FRMD3: variants seen among roughly 807,000 people sequenced by gnomAD.
The protein encoded by FRMD3 is FERM domain-containing protein 3.
A neutral mutation model predicts 70.2 loss-of-function variants in FRMD3; 33 were observed. The observed-to-expected ratio is 0.47, with a 90% confidence interval of 0.36 to 0.63. FRMD3 has a LOEUF of 0.63. Among genes scored for constraint, FRMD3 ranks in the 20% least tolerant of loss-of-function variants. The pLI is 0.00. For missense variants in FRMD3, 632 were observed against 711.4 expected (o/e 0.89, Z 1.27); for synonymous variants, 279 against 255.9 (o/e 1.09, Z -0.86).
intron 1 of FRMD3, among the ~76,000 whole-genome samples, chr9:83,493,509 A>G (rs1031032156): frequency 3.3e-5 from 5 of 152,226 alleles, no homozygotes; most frequent in African/African-American, 1.2e-4. Context: ...GAAACCTTAC[A>G]GTTGATACCT....
At chr9:83,279,820 G>A (rs1833913611) in intron 13 of FRMD3, among the ~76,000 whole-genome samples, 1 of 151,800 alleles carries the variant, frequency 6.6e-6, no homozygotes, top group Non-Finnish European at 1.5e-5. Context: ...GGGAGGGAGA[G>A]CGTCAGGATA....
At chr9:83,570,114 T>C in the FRMD3 span, among the ~76,000 whole-genome samples, 1 of 152,202 alleles carries the variant, frequency 6.6e-6, no homozygotes, top group Admixed American at 6.5e-5. Flanking sequence ...CTTCATTCAC[T>C]CATGCAACAT....
chr9:83,418,931 T>TAC (rs1261532597), intron 1 of FRMD3, among the ~76,000 whole-genome samples: 2 of 152,202 alleles, frequency 1.3e-5, no homozygotes, highest in African/African-American at 4.8e-5. Context: ...TTCTTATATA[T>TAC]ACACCATGGA....
intron 3 of FRMD3, among the ~76,000 whole-genome samples, chr9:83,371,078 G>T (rs750830701): frequency 2.6e-5 from 4 of 152,066 alleles, no homozygotes; most frequent in Non-Finnish European, 4.4e-5. Flanking sequence ...TCAAAACTGG[G>T]TATGGCTTAA....
the FRMD3 span, among the ~76,000 whole-genome samples, chr9:83,566,438 T>C: frequency 6.6e-6 from 1 of 152,116 alleles, no homozygotes; most frequent in East Asian, 1.9e-4. Flanking sequence ...AAATCTCATG[T>C]CCTCATATTT....
chr9:83,501,748 G>A lies in FRMD3; in HGVS notation c.147+36337C>T, dbSNP rs149939340. ...GGCAAGGCAACCACATCTCCTGTTT[G>A]TTCTTGAGAGGAATTTCTTATTGCT... On this transcript the variant is annotated intron_variant, in intron 1 of 13. Transcript: ENST00000304195. 1.6e-3 allele frequency among the ~76,000 whole-genome samples: 242 copies of A among 152,324 alleles called. 1 individual carries two copies. The highest frequency in any genetic ancestry group is 5.6e-3 in the African/African-American group (234 of 41,580).
At chr9:83,411,769 T>C (rs1482261708) in intron 1 of FRMD3, among the ~76,000 whole-genome samples, 2 of 152,238 alleles carry the variant, frequency 1.3e-5, no homozygotes, top group Non-Finnish European at 2.9e-5. Context: ...ATTTTTGAAG[T>C]ATGCAATTTT....
At chr9:83,372,857 C>G in intron 3 of FRMD3, 56 bp downstream of exon 3, 1 of 1,464,504 alleles carries the variant, frequency 6.8e-7, no homozygotes, top group Non-Finnish European at 9.6e-7. Flanking sequence ...TGTCAGGGAA[C>G]AGTATCTATC....
chr9:83,297,057 A>G (rs981876096), intron 12 of FRMD3, among the ~76,000 whole-genome samples: 1 of 152,256 alleles, frequency 6.6e-6, no homozygotes, highest in African/African-American at 2.4e-5. Context: ...TATTCAAACC[A>G]AAATTTACAA....
the FRMD3 span, among the ~76,000 whole-genome samples, chr9:83,549,990 T>C: frequency 9.8e-5 from 15 of 152,334 alleles, no homozygotes; most frequent in African/African-American, 3.4e-4. Context: ...TTTGTTGCAA[T>C]TGCTTTTGGC....
At chr9:83,272,368 G>A (rs2093782) in intron 13 of FRMD3, among the ~76,000 whole-genome samples, 13,798 of 151,284 alleles carry the variant, frequency 0.091, 701 homozygotes, top group African/African-American at 0.13. Flanking sequence ...TTGGCCTCCC[G>A]AGGTGCCGGG....
At chr9:83,270,996 G>A (rs1833529626) in intron 13 of FRMD3, among the ~76,000 whole-genome samples, 1 of 152,148 alleles carries the variant, frequency 6.6e-6, no homozygotes, top group Admixed American at 6.5e-5. Context: ...TGGTTGTGAG[G>A]AGTTAACCCG....
chr9:83,475,959 G>A (rs1828386350), intron 1 of FRMD3, among the ~76,000 whole-genome samples: 2 of 152,190 alleles, frequency 1.3e-5, no homozygotes. Flanking sequence ...CATTTGCTGA[G>A]TGTCTACAGT....
chr9:83,467,593 T>C, intron 1 of FRMD3: 1 of 1,381,764 alleles, frequency 7.2e-7, no homozygotes, highest in Non-Finnish European at 9.9e-7. Context: ...CTGAGTTGAT[T>C]ACATTTTAGC....
chr9:83,574,367 CA>C, the FRMD3 span, among the ~76,000 whole-genome samples: 2 of 152,192 alleles, frequency 1.3e-5, no homozygotes, highest in East Asian at 3.9e-4. Flanking sequence ...GGGCACTAGC[CA>C]AAAATACATA....
At chr9:83,507,545 C>T (rs1426630156) in intron 1 of FRMD3, among the ~76,000 whole-genome samples, 1 of 148,670 alleles carries the variant, frequency 6.7e-6, no homozygotes, top group Admixed American at 6.7e-5. Flanking sequence ...TGGCGGGCGC[C>T]TGTAGTCCCA....
chr9:83,396,667 C>T (rs1379597258), intron 1 of FRMD3, among the ~76,000 whole-genome samples: 2 of 152,202 alleles, frequency 1.3e-5, no homozygotes, highest in African/African-American at 4.8e-5. Context: ...AAGAGACTTG[C>T]CCTTCCCTCT....
chr9:83,279,108 AT>A (rs1195325883), intron 13 of FRMD3: 1 of 150,404 alleles, frequency 6.6e-6, no homozygotes, highest in Non-Finnish European at 1.5e-5. Flanking sequence ...TGTTCCGATT[AT>A]CAAGTGAGTC....
At chr9:83,550,014 A>C in the FRMD3 span, among the ~76,000 whole-genome samples, 1 of 152,116 alleles carries the variant, frequency 6.6e-6, no homozygotes, top group African/African-American at 2.4e-5. Flanking sequence ...TTCATCATTA[A>C]ATCTTTGCCC....
Sources: allele counts gnomAD v4.1 joint callset (sites outside exome capture counted in the v4.1 genomes callset), GRCh38; gene constraint gnomAD v4.1.1; transcripts MANE v1.5; gene names NCBI Gene and HGNC (gene_info 2026-07-23, HGNC 2026-07-21).